CFAP69: variants seen among roughly 807,000 people sequenced by gnomAD.
CFAP69 encodes the protein cilia and flagella associated protein 69, also known as cilia- and flagella-associated protein 69.
In CFAP69, 92 loss-of-function variants were observed where a neutral mutation model predicts 123.0. The ratio of observed to expected loss-of-function variants is 0.75; its 90% CI spans 0.63 to 0.89. The LOEUF (loss-of-function observed/expected upper bound fraction) is 0.89, where lower values mean the gene tolerates loss of function less well. Among genes scored for constraint, CFAP69 ranks in the 40% least tolerant of loss-of-function variants. The probability of loss-of-function intolerance (pLI) is 0.00; values close to 1 mark genes in which losing one functional copy is unlikely to be tolerated. For synonymous variants in CFAP69, 380 were observed against 364.3 expected (o/e 1.04, Z -0.49); for missense variants, 1,067 against 1,096.9 (o/e 0.97, Z 0.39).
intron 19 of CFAP69, 141 bp downstream of exon 19, chr7:90,304,961 G>A (rs1793350443): frequency 1.6e-6 from 1 of 634,176 alleles, no homozygotes. Flanking sequence ...TGATGCTGTT[G>A]AAGAAATACA....
intron 6 of CFAP69, among the ~76,000 whole-genome samples, chr7:90,269,614 T>A (rs781426018): frequency 6.6e-6 from 1 of 152,176 alleles, no homozygotes; most frequent in Non-Finnish European, 1.5e-5. Context: ...TGTAGTTAAA[T>A]CTTTGACAGA....
At chr7:90,290,805 C>G (rs1284863354) in intron 15 of CFAP69, among the ~76,000 whole-genome samples, 1 of 58,590 alleles carries the variant, frequency 1.7e-5, no homozygotes, top group African/African-American at 6.1e-5. Flanking sequence ...CTTTTCTTTT[C>G]TTTTCTTTTC....
intron 1 of CFAP69, among the ~76,000 whole-genome samples, chr7:90,249,230 A>G (rs1269645279): frequency 1.3e-5 from 2 of 151,976 alleles, no homozygotes; most frequent in Non-Finnish European, 2.9e-5. Flanking sequence ...GTTTTATAAG[A>G]GGTTCTTCCT....
rs1401115323 is a variant in CFAP69, at chr7:90,281,820, A to G, written c.1373-1072A>G. ...AAATCTAAGTGAAATACTAATTTAC[A>G]AAGTGAGAGATGACATTTATTACCC... On this transcript the variant is annotated intron_variant, in intron 12 of 22. Transcript: ENST00000389297. Among the ~76,000 whole-genome samples the G allele has an allele frequency of 2.0e-5, 3 of 152,308 alleles. No individual in the cohort carries two copies. In the East Asian group the frequency reaches 5.8e-4, roughly 29 times the overall value.
chr7:90,303,787 A>G (rs1793157043), intron 17 of CFAP69, 182 bp from the exon 18 acceptor site: 5 of 1,180,954 alleles, frequency 4.2e-6, no homozygotes, highest in Non-Finnish European at 5.2e-6. Context: ...TTTGCCACAG[A>G]GTGGGGAAGA....
chr7:90,320,084 A>C, the CFAP69 span, among the ~76,000 whole-genome samples: 1 of 152,192 alleles, frequency 6.6e-6, no homozygotes, highest in African/African-American at 2.4e-5. Flanking sequence ...ATCATTAGTG[A>C]TACGGTTCCG....
At chr7:90,260,157 TC>T (rs957276210) in intron 3 of CFAP69, among the ~76,000 whole-genome samples, 2 of 152,152 alleles carry the variant, frequency 1.3e-5, no homozygotes, top group African/African-American at 4.8e-5. Context: ...TTCTTCTTCT[TC>T]CAGTGTGGGC....
At chr7:90,276,378 A>C (rs1369109454) in intron 9 of CFAP69, among the ~76,000 whole-genome samples, 1 of 152,206 alleles carries the variant, frequency 6.6e-6, no homozygotes, top group Non-Finnish European at 1.5e-5. Context: ...ATTCAGATGA[A>C]TTTCACGAAT....
chr7:90,303,990 C>T lies in CFAP69; in HGVS notation c.2072C>T (p.Thr691Ile). ...TTAGATACAAAAAAACCTCTATTTA[C>T]TAGCTTTCAAGAAGAGCAAAAAATC... is the stretch of plus-strand genomic sequence containing the variant. Reference protein sequence around the residue: ...KIIDTKKPLFTSFQEEQKIIP... With the variant: ...KIIDTKKPLFISFQEEQKIIP... The change falls in exon 18 of 23, where the codon ACT (threonine) becomes ATT (isoleucine). Residue 691 changes from threonine to isoleucine, a missense_variant. By Grantham distance (89) the Thr-to-Ile change is moderately conservative. Transcript: ENST00000389297. 6.5e-7 allele frequency: 1 copy of T among 1,549,796 alleles called. No individual in the cohort carries two copies. Among genetic ancestry groups the T allele is most frequent in the Non-Finnish European group, 8.7e-7 (1 of 1,145,912 alleles).
At chr7:90,251,259 A>T (rs1267178372) in intron 1 of CFAP69, among the ~76,000 whole-genome samples, 2 of 152,178 alleles carry the variant, frequency 1.3e-5, no homozygotes, top group Non-Finnish European at 2.9e-5. Flanking sequence ...AGTGGTAAAA[A>T]GAAAGGTGTG....
At chr7:90,259,835 G>A (rs763328380) in intron 3 of CFAP69, among the ~76,000 whole-genome samples, 1 of 151,982 alleles carries the variant, frequency 6.6e-6, no homozygotes, top group Non-Finnish European at 1.5e-5. Flanking sequence ...TACAATAAAA[G>A]TATCCCACAA....
chr7:90,309,574 G>GC (rs915740480), intron 22 of CFAP69, among the ~76,000 whole-genome samples: 2 of 151,246 alleles, frequency 1.3e-5, no homozygotes, highest in African/African-American at 4.9e-5. Flanking sequence ...AAAAACTTAG[G>GC]CCCCCAAAAT....
chr7:90,317,567 C>T, the CFAP69 span: 2 of 151,928 alleles, frequency 1.3e-5, no homozygotes, highest in African/African-American at 2.4e-5. Context: ...TATTGCCGAA[C>T]GCTATGAGGT....
In CFAP69 at chr7:90,271,595, T is replaced by G; in HGVS notation, c.602T>G (p.Val201Gly). The G allele has an allele frequency of 6.2e-7, 1 of 1,613,484 alleles. No homozygotes were observed. Among genetic ancestry groups the G allele is most frequent in the Non-Finnish European group, 8.5e-7 (1 of 1,179,678 alleles). Residue 201 changes from valine to glycine, a missense_variant, in exon 7 of 23, where the codon GTC becomes GGC. By Grantham distance (109) the Val-to-Gly change is moderately radical. Coordinates refer to ENST00000389297, the MANE Select transcript of CFAP69 (RefSeq NM_001039706.3). ...AEVGGLAKTM[V>G]QSMTLLENQL... ...GTTGGAGGATTAGCAAAAACAATGG[T>G]CCAGTCAATGACCTTGCTTGAAAAT...
At position 90,273,986 on chromosome 7, in the gene CFAP69, G is replaced by T; in HGVS notation, c.861-1G>T. On this transcript the variant is annotated splice_acceptor_variant, in intron 8 of 22. Transcript: ENST00000389297. LOFTEE classifies it high-confidence loss of function. ...TTTTAAAATATGATTTTACTTTCTA[G>T]GGCTTTGAAGGAAGTATTTAAAAAT... The T allele has an allele frequency of 1.3e-6, 2 of 1,583,340 alleles. No individual in the cohort carries two copies. Among genetic ancestry groups the T allele is most frequent in the Non-Finnish European group, 1.7e-6 (2 of 1,167,486 alleles).
intron 8 of CFAP69, among the ~76,000 whole-genome samples, chr7:90,273,231 A>C (rs1381673782): frequency 6.6e-6 from 1 of 152,216 alleles, no homozygotes; most frequent in Non-Finnish European, 1.5e-5. Flanking sequence ...AATTAGCAAA[A>C]TCAGAAAACT....
At position 90,288,260 on chromosome 7, in the gene CFAP69, T is replaced by C. The variant is rs372797000; in HGVS notation, c.1683T>C (p.Asp561=). 108 of 1,610,924 alleles carry C rather than the reference T, an allele frequency of 6.7e-5. No individual in the cohort carries two copies. The African/African-American group carries it at 1.3e-3, about 19-fold the overall frequency. ...RKEIFGTEGV[D]IVLHVMKTDP... is the part of the protein sequence containing the mutation. Reference sequence around the variant, plus strand: ...AAATTTTCGGAACTGAAGGAGTAGATATCGTTCTTCATGTGATGAAAACAG... The same window carrying C: ...AAATTTTCGGAACTGAAGGAGTAGACATCGTTCTTCATGTGATGAAAACAG... Residue 561 remains aspartate, a synonymous_variant, in exon 15 of 23, where the codon GAT becomes GAC. Transcript: ENST00000389297.
At chr7:90,252,684 A>G (rs1434081007) in intron 1 of CFAP69, among the ~76,000 whole-genome samples, 3 of 152,206 alleles carry the variant, frequency 2.0e-5, no homozygotes, top group Non-Finnish European at 4.4e-5. Context: ...AAATAAATAA[A>G]AATAAATATA....
In CFAP69 at chr7:90,271,861, C is replaced by A; in HGVS notation, c.763C>A (p.Gln255Lys). 1 of 1,608,686 alleles carries A rather than the reference C, an allele frequency of 6.2e-7. No individual in the cohort carries two copies. The highest frequency in any genetic ancestry group is 8.5e-7 in the Non-Finnish European group (1 of 1,176,750). Residue 255 changes from glutamine to lysine, a missense_variant, in exon 8 of 23, where the codon CAG becomes AAG. By Grantham distance (53) the Gln-to-Lys change is moderately conservative. Transcript: ENST00000389297. ...CCTCAATGACCCAGATCCCTCTGGA[C>A]AGCTTTTATTTCGTTCATCAGAAAT... ...THLNDPDPSGQLLFRSSEILW... is the reference protein window; with the variant it reads ...THLNDPDPSGKLLFRSSEILW...
Sources: allele counts gnomAD v4.1 joint callset (sites outside exome capture counted in the v4.1 genomes callset), GRCh38; gene constraint gnomAD v4.1.1; transcripts MANE v1.5; gene names NCBI Gene and HGNC (gene_info 2026-07-23, HGNC 2026-07-21).